The following LRRIQ3 variants were observed in gnomAD, a reference collection of about 807,000 sequenced individuals.
The protein encoded by LRRIQ3 is leucine rich repeats and IQ motif containing 3.
Under a neutral mutation model 59.3 loss-of-function variants are expected in LRRIQ3, and 75 were observed. That is an observed-to-expected ratio of 1.26 (90% CI 1.05 to 1.53). The LOEUF is 1.53. LRRIQ3 is among the 40% of genes most tolerant of loss of function. The probability of loss-of-function intolerance (pLI) is 0.00; values close to 1 mark genes in which losing one functional copy is unlikely to be tolerated. For missense variants in LRRIQ3, 831 were observed against 710.0 expected, an observed-to-expected ratio of 1.17 and a Z score of -1.94; for synonymous variants, 250 against 231.3, an observed-to-expected ratio of 1.08 and a Z score of -0.73.
chr1:74,104,164 G>C (rs1276658032), intron 5 of LRRIQ3, among the ~76,000 whole-genome samples: 1 of 151,876 alleles, frequency 6.6e-6, no homozygotes, highest in South Asian at 2.1e-4. Context: ...GCAACAATGA[G>C]GTACCACTAC....
intron 4 of LRRIQ3, among the ~76,000 whole-genome samples, chr1:74,114,238 G>T (rs1646746061): frequency 6.6e-6 from 1 of 151,866 alleles, no homozygotes. Context: ...TCATCTTTTA[G>T]TTTCTTTAAA....
In LRRIQ3 at chr1:74,041,733, A is replaced by G. The variant is rs1654053004; in HGVS notation, c.1198T>C (p.Leu400=). Residue 400 remains leucine, a synonymous_variant, in exon 7 of 8, where the codon TTG becomes CTG. Coordinates refer to ENST00000354431, the MANE Select transcript of LRRIQ3 (RefSeq NM_001105659.2). Reference sequence around the variant, plus strand: ...AAAAACTCTTTCATACTCCGCTCCAATCGTATGTCTTTTTTAATGATTGGC... The same window carrying G: ...AAAAACTCTTTCATACTCCGCTCCAGTCGTATGTCTTTTTTAATGATTGGC... ...PKPIIKKDIR[L]ERSMKEFFAP... is the part of the protein sequence containing the mutation. The G allele has an allele frequency of 6.2e-7, 1 of 1,613,498 alleles. No homozygotes were observed. The highest frequency in any genetic ancestry group is 1.7e-5 in the Admixed American group (1 of 59,952).
chr1:74,061,033 G>T (rs1374872194), intron 6 of LRRIQ3, among the ~76,000 whole-genome samples: 1 of 152,106 alleles, frequency 6.6e-6, no homozygotes, highest in Non-Finnish European at 1.5e-5. Context: ...AGGGAAAGCT[G>T]CTTAGAGAGG....
intron 4 of LRRIQ3, among the ~76,000 whole-genome samples, chr1:74,153,075 T>C (rs2100661409): frequency 6.6e-6 from 1 of 152,264 alleles, no homozygotes; most frequent in Middle Eastern, 3.4e-3. Flanking sequence ...TCAATAAATT[T>C]TGTTTCCTAT....
intron 5 of LRRIQ3, among the ~76,000 whole-genome samples, chr1:74,106,278 T>C (rs142210285): frequency 6.6e-6 from 1 of 152,074 alleles, no homozygotes; most frequent in East Asian, 1.9e-4. Context: ...TGGCCATCAC[T>C]TTCTTACTTC....
At chr1:74,064,883 T>G (rs910991086) in intron 6 of LRRIQ3, among the ~76,000 whole-genome samples, 19 of 152,080 alleles carry the variant, frequency 1.2e-4, no homozygotes, top group Non-Finnish European at 2.6e-4. Context: ...TTCTTAATAT[T>G]TTGATTATAA....
chr1:74,099,600 CAAA>C (rs1291154951), intron 5 of LRRIQ3, among the ~76,000 whole-genome samples: 1 of 151,894 alleles, frequency 6.6e-6, no homozygotes, highest in Non-Finnish European at 1.5e-5. Flanking sequence ...AGAGACACAA[CAAA>C]AAAAGAGAAT....
chr1:74,062,846 G>A (rs1434113517), intron 6 of LRRIQ3, among the ~76,000 whole-genome samples: 1 of 151,996 alleles, frequency 6.6e-6, no homozygotes, highest in Non-Finnish European at 1.5e-5. Context: ...TGGTGGGTGT[G>A]AGGAGGGTGA....
chr1:74,053,582 C>G (rs1654437060), intron 6 of LRRIQ3, among the ~76,000 whole-genome samples: 1 of 152,082 alleles, frequency 6.6e-6, no homozygotes, highest in Non-Finnish European at 1.5e-5. Flanking sequence ...AATCTCAGTA[C>G]TTTGGCTAAG....
chr1:74,026,701 A>T lies in LRRIQ3; in HGVS notation c.*112T>A. On this transcript the variant is annotated 3_prime_UTR_variant, in exon 8 of 8. Transcript: ENST00000354431. ...ATATTTTTAGAAGACTTATATATAA[A>T]TCCATCTTGTGATGTAGAGTATTTC... 1 of 788,704 alleles carries T rather than the reference A, an allele frequency of 1.3e-6. No homozygotes were observed. Among genetic ancestry groups the T allele is most frequent in the Non-Finnish European group, 2.0e-6 (1 of 511,020 alleles). The allele number at this position is 788,704 out of a possible 1,614,324, so 48.9% of individuals were successfully genotyped here.
In LRRIQ3 at chr1:74,041,401, T is replaced by C. The variant is rs756749538; in HGVS notation, c.1530A>G (p.Gln510=). 3 of 1,613,764 alleles carry C rather than the reference T, an allele frequency of 1.9e-6. No homozygotes were observed. The highest frequency in any genetic ancestry group is 2.5e-6 in the Non-Finnish European group (3 of 1,179,900). ...GAACTAATAAACGCTCTGAAGCCTTTTGGGATTTTTCTTTTAGAAACAGAG... is the reference window on the plus strand; with the variant it reads ...GAACTAATAAACGCTCTGAAGCCTTCTGGGATTTTTCTTTTAGAAACAGAG... ...RKALFLKEKS[Q]KASERLLVQN... is the part of the protein sequence containing the mutation. The change falls in exon 7 of 8, where the codon CAA becomes CAG. Residue 510 remains glutamine (Q), a synonymous_variant. Coordinates refer to ENST00000354431, the MANE Select transcript of LRRIQ3 (RefSeq NM_001105659.2).
chr1:74,091,759 T>A (rs2100517978), intron 5 of LRRIQ3, among the ~76,000 whole-genome samples: 1 of 152,208 alleles, frequency 6.6e-6, no homozygotes, highest in Middle Eastern at 3.4e-3. Flanking sequence ...GTGGAAAGTA[T>A]CTATTTTATT....
chr1:74,101,556 T>G (rs778508511), intron 5 of LRRIQ3, among the ~76,000 whole-genome samples: 1 of 152,232 alleles, frequency 6.6e-6, no homozygotes, highest in African/African-American at 2.4e-5. Context: ...ATCCCATTAC[T>G]GGGTATATAC....
chr1:74,139,958 G>A (rs1647201645), intron 4 of LRRIQ3, among the ~76,000 whole-genome samples: 1 of 151,622 alleles, frequency 6.6e-6, no homozygotes, highest in African/African-American at 2.4e-5. Context: ...AACAGTAGAG[G>A]GGGAAAACAT....
chr1:74,120,457 G>T (rs1321196575), intron 4 of LRRIQ3, among the ~76,000 whole-genome samples: 1 of 151,618 alleles, frequency 6.6e-6, no homozygotes, highest in African/African-American at 2.4e-5. Context: ...ATTAACAAGG[G>T]GAAATATAAA....
intron 4 of LRRIQ3, chr1:74,144,603 T>C (rs1570201789): frequency 4.0e-6 from 1 of 252,140 alleles, no homozygotes; most frequent in East Asian, 1.4e-4. Context: ...ATTATCTCCA[T>C]TGTATCTTCT....
intron 6 of LRRIQ3, among the ~76,000 whole-genome samples, chr1:74,053,193 A>AC (rs1177748340): frequency 1.3e-5 from 2 of 151,596 alleles, no homozygotes; most frequent in Non-Finnish European, 2.9e-5. Flanking sequence ...AAAAAAAAAA[A>AC]ACAAATTAAT....
chr1:74,169,873 A>G (rs1649215197), intron 3 of LRRIQ3, among the ~76,000 whole-genome samples: 1 of 152,122 alleles, frequency 6.6e-6, no homozygotes, highest in Non-Finnish European at 1.5e-5. Flanking sequence ...GAAGTATGCA[A>G]TGGTATCTCC....
chr1:74,072,746 A>T (rs1655063120), intron 6 of LRRIQ3, among the ~76,000 whole-genome samples: 1 of 152,088 alleles, frequency 6.6e-6, no homozygotes, highest in African/African-American at 2.4e-5. Flanking sequence ...TTTGAAAAAA[A>T]ATTTAATCCA....
Sources: allele counts gnomAD v4.1 joint callset (sites outside exome capture counted in the v4.1 genomes callset), GRCh38; gene constraint gnomAD v4.1.1; transcripts MANE v1.5; gene names NCBI Gene and HGNC (gene_info 2026-07-23, HGNC 2026-07-21).